The following TTC7B variants were observed in gnomAD, a reference collection of about 807,000 sequenced individuals.
TTC7B encodes the protein tetratricopeptide repeat protein 7B.
TTC7B carries 28 observed loss-of-function variants against 106.8 expected under a neutral mutation model. The ratio of observed to expected loss-of-function variants is 0.26; its 90% CI spans 0.19 to 0.36. TTC7B has a LOEUF of 0.36. Among genes scored for constraint, TTC7B ranks in the 10% least tolerant of loss-of-function variants. The pLI, the probability that TTC7B is intolerant of heterozygous loss-of-function variation, is 1.00. For synonymous variants in TTC7B, 405 were observed against 430.6 expected (o/e 0.94, Z 0.74); for missense variants, 862 against 1,076.4 (o/e 0.80, Z 2.79).
At position 90,802,037 on chromosome 14, in the gene TTC7B, G is replaced by T. The variant is rs1000329950; in HGVS notation, c.121+14138C>A. Among the ~76,000 whole-genome samples the T allele has an allele frequency of 1.0e-4, 15 of 150,104 alleles. No homozygotes were observed. The highest frequency in any genetic ancestry group is 5.9e-5 in the Non-Finnish European group (4 of 67,714). On this transcript the variant is annotated intron_variant, in intron 1 of 19. Coordinates refer to ENST00000328459, the MANE Select transcript of TTC7B (RefSeq NM_001010854.2). This position sits in a 1 kb window ranked among gnomAD's most constrained non-coding sequence, Gnocchi z 4.7. ...GATCGTGCCATTGTACTCCAGCCTGGACAACAAGAGCGAAAACTCCATCTC... is the reference window on the plus strand; with the variant it reads ...GATCGTGCCATTGTACTCCAGCCTGTACAACAAGAGCGAAAACTCCATCTC...
chr14:90,676,936 C>A (rs73328827), intron 8 of TTC7B, among the ~76,000 whole-genome samples: 1 of 152,144 alleles, frequency 6.6e-6, no homozygotes, highest in African/African-American at 2.4e-5. Context: ...CCTTGGCAGC[C>A]GATACAAAGT....
In TTC7B at chr14:90,663,869, C is replaced by T. The variant is rs371975085; in HGVS notation, c.1153-5482G>A. 3.9e-5 allele frequency among the ~76,000 whole-genome samples: 6 copies of T among 152,212 alleles called. No individual in the cohort carries two copies. Among genetic ancestry groups the T allele is most frequent in the Non-Finnish European group, 5.9e-5 (4 of 68,044 alleles). ...CTTGGCATCTTATGAGATACAGTGA[C>T]GGCACGCCGGCTTTGGAAAAGCACC... On this transcript the variant is annotated intron_variant, in intron 9 of 19. Coordinates refer to ENST00000328459, the MANE Select transcript of TTC7B (RefSeq NM_001010854.2). This position sits in a 1 kb window ranked among gnomAD's most constrained non-coding sequence, Gnocchi z 4.5.
chr14:90,758,774 A>C (rs1890404456), intron 3 of TTC7B, among the ~76,000 whole-genome samples: 1 of 152,130 alleles, frequency 6.6e-6, no homozygotes, highest in Non-Finnish European at 1.5e-5. Flanking sequence ...CGGAATCTGC[A>C]CCTGGGAGCC....
At chr14:90,697,398 G>C (rs1356093937) in intron 5 of TTC7B, 1 of 148,296 alleles carries the variant, frequency 6.7e-6, no homozygotes, top group African/African-American at 2.6e-5. Context: ...CCCAGTGAGA[G>C]AGTGAGCTGG....
At chr14:90,705,795 C>G (rs1211499100) in intron 5 of TTC7B, among the ~76,000 whole-genome samples, 1 of 152,126 alleles carries the variant, frequency 6.6e-6, no homozygotes, top group Non-Finnish European at 1.5e-5. Flanking sequence ...CTTTTTTTCA[C>G]TTGACGATTC....
chr14:90,548,528 C>T (rs1456706045), intron 19 of TTC7B, among the ~76,000 whole-genome samples: 2 of 152,230 alleles, frequency 1.3e-5, no homozygotes, highest in Admixed American at 6.5e-5. Flanking sequence ...GCTTTTGACA[C>T]CATCTTGTGT....
intron 1 of TTC7B, among the ~76,000 whole-genome samples, chr14:90,813,107 C>T (rs149496471): frequency 7.9e-4 from 121 of 152,340 alleles, no homozygotes; most frequent in Middle Eastern, 3.4e-3. Context: ...AAGTTCCCTC[C>T]CTAGAACATG....
intron 12 of TTC7B, among the ~76,000 whole-genome samples, chr14:90,654,624 C>T (rs1161640576): frequency 6.6e-6 from 1 of 152,146 alleles, no homozygotes; most frequent in African/African-American, 2.4e-5. Context: ...TTCCACATTC[C>T]TGTACCTAAG....
At chr14:90,728,992 A>C (rs1335850221) in intron 5 of TTC7B, among the ~76,000 whole-genome samples, 1 of 152,224 alleles carries the variant, frequency 6.6e-6, no homozygotes, top group East Asian at 1.9e-4. Context: ...AAATGATCTC[A>C]ATCAGTGGCA....
intron 11 of TTC7B, 81 bp from the exon 12 acceptor site, chr14:90,655,191 T>C: frequency 9.5e-7 from 1 of 1,051,848 alleles, no homozygotes; most frequent in South Asian, 1.3e-5. Flanking sequence ...GCTGCCAAAA[T>C]TGGATTTCTG....
Position 90,658,391 on chromosome 14 carries a change from G to T in TTC7B, c.1153-4C>A. 6.2e-7 allele frequency: 1 copy of T among 1,614,054 alleles called. No individual in the cohort carries two copies. The highest frequency in any genetic ancestry group is 8.5e-7 in the Non-Finnish European group (1 of 1,179,936). On this transcript the variant is annotated splice_region_variant and splice_polypyrimidine_tract_variant and intron_variant, in intron 9 of 19. Transcript: ENST00000328459. Reference sequence around the variant, plus strand: ...ACTTCATGGCTCTTTCTAGGCACTGGTTGGGAAAGAAAAACAAATGCAGAC... The same window carrying T: ...ACTTCATGGCTCTTTCTAGGCACTGTTTGGGAAAGAAAAACAAATGCAGAC...
intron 3 of TTC7B, among the ~76,000 whole-genome samples, chr14:90,763,671 C>G (rs1257466482): frequency 1.3e-5 from 2 of 151,926 alleles, no homozygotes; most frequent in African/African-American, 4.8e-5. Flanking sequence ...TTAAAGGATA[C>G]AAGATTAATA....
intron 17 of TTC7B, among the ~76,000 whole-genome samples, chr14:90,596,870 G>A (rs1892227469): frequency 1.3e-5 from 2 of 152,184 alleles, no homozygotes; most frequent in Non-Finnish European, 2.9e-5. Flanking sequence ...ACACTTCACT[G>A]TCTGAAATTC....
chr14:90,597,671 AAAC>A (rs914537913), intron 17 of TTC7B, among the ~76,000 whole-genome samples: 12 of 152,154 alleles, frequency 7.9e-5, no homozygotes, highest in Admixed American at 3.9e-4. Flanking sequence ...AAAAAAAACA[AAAC>A]AACAACAACA....
At chr14:90,694,678 T>TTTTAATTTTATTATAAAATATA (rs1887615663) in intron 6 of TTC7B, among the ~76,000 whole-genome samples, 1 of 45,954 alleles carries the variant, frequency 2.2e-5, no homozygotes, top group Non-Finnish European at 4.3e-5. Context: ...TATATGTATA[T>TTTTAATTTTATTATAAAATATA]TTTTATTTTA....
At chr14:90,667,832 T>C (rs1886470972) in intron 9 of TTC7B, among the ~76,000 whole-genome samples, 2 of 152,216 alleles carry the variant, frequency 1.3e-5, no homozygotes, top group Non-Finnish European at 2.9e-5. Flanking sequence ...AGGGCATCTT[T>C]ACTATGGAAC....
chr14:90,605,465 T>C (rs1183273470), intron 17 of TTC7B: 1 of 851,554 alleles, frequency 1.2e-6, no homozygotes, highest in Non-Finnish European at 1.5e-6. Context: ...GCTTTTGGAT[T>C]TTCAAATGAG....
chr14:90,566,480 C>T (rs1890806168), intron 19 of TTC7B, among the ~76,000 whole-genome samples: 1 of 152,058 alleles, frequency 6.6e-6, no homozygotes, highest in African/African-American at 2.4e-5. Context: ...GTGCCTGTAC[C>T]CTCCTCCTTC....
Position 90,541,249 on chromosome 14 carries a change from T to C in TTC7B, c.*119A>G. On this transcript the variant is annotated 3_prime_UTR_variant, in exon 20 of 20. Coordinates refer to ENST00000328459, the MANE Select transcript of TTC7B (RefSeq NM_001010854.2). Reference sequence around the variant, plus strand: ...GTTTGGTTGGTTCACTGTGGCCCACTGAACACTCGTCCCTGGCCTCAGTGT... The same window carrying C: ...GTTTGGTTGGTTCACTGTGGCCCACCGAACACTCGTCCCTGGCCTCAGTGT... The C allele has an allele frequency of 1.1e-6, 1 of 941,730 alleles. No homozygotes were observed. The highest frequency in any genetic ancestry group is 1.5e-6 in the Non-Finnish European group (1 of 651,494). The allele number at this position is 941,730 out of a possible 1,614,324, so 58.3% of individuals were successfully genotyped here.
Sources: gnomAD v4.1 joint callset for allele counts (sites outside exome capture counted in the v4.1 genomes callset) on GRCh38, gnomAD v4.1.1 for gene constraint, Gnocchi (gnomAD v3.1) non-coding constraint, MANE v1.5 for transcripts, NCBI Gene and HGNC (gene_info 2026-07-23, HGNC 2026-07-21) for gene names.